Variants in DNAH12 observed in about 807,000 individuals in gnomAD.
DNAH12 encodes axonemal beta dynein heavy chain 12.
A neutral mutation model predicts 371.5 loss-of-function variants in DNAH12; 285 were observed. The ratio of observed to expected loss-of-function variants is 0.77; its 90% CI spans 0.70 to 0.85. The LOEUF (loss-of-function observed/expected upper bound fraction) is 0.85, where lower values mean the gene tolerates loss of function less well. Ranked by LOEUF, DNAH12 falls within the 40% of genes least tolerant of loss-of-function variation. The probability of loss-of-function intolerance (pLI) is 0.00; values close to 1 mark genes in which losing one functional copy is unlikely to be tolerated. For missense variants in DNAH12, 3,611 were observed against 3,689.4 expected (o/e 0.98, Z 0.55); for synonymous variants, 1,200 against 1,213.0 (o/e 0.99, Z 0.22).
Position 57,314,595 on chromosome 3 carries a change from GA to G in DNAH12, c.10560del (p.His3521MetfsTer51), listed in dbSNP as rs2061647612. The G allele has an allele frequency of 6.5e-7, 1 of 1,548,280 alleles. No homozygotes were observed. The highest frequency in any genetic ancestry group is 1.2e-5 in the South Asian group (1 of 83,166). On this transcript the variant is annotated frameshift_variant, in exon 66 of 74. Coordinates refer to ENST00000495027, the MANE Select transcript of DNAH12 (RefSeq NM_001366028.2). LOFTEE classifies it high-confidence loss of function. The part of the protein sequence containing the change: ...WEKLLFGVCF[F>X]HALVQERKKF... ...TTCTTTCTCTCTTGCACAAGGGCAT[GA>G]AAAAAACAAACTCCAAACAGTAACT...
Position 57,403,222 on chromosome 3 carries a change from T to C in DNAH12, c.6948+87A>G, listed in dbSNP as rs116340519. On this transcript the variant is annotated intron_variant, in intron 43 of 73. Coordinates refer to ENST00000495027, the MANE Select transcript of DNAH12 (RefSeq NM_001366028.2). ...CATCATCATCATCACTGGAGTTCAG[T>C]ACACAGCTACACAGGCTGGTTCTCT... The C allele has an allele frequency of 5.7e-4, 741 of 1,301,800 alleles. 2 individuals are homozygous for C. In the African/African-American group the frequency reaches 0.01, roughly 18 times the overall value. The allele number at this position is 1,301,800 out of a possible 1,614,324, so 80.6% of individuals were successfully genotyped here.
chr3:57,361,444 C>CACACTATATATATA (rs1409626573), intron 58 of DNAH12, among the ~76,000 whole-genome samples: 5 of 116,720 alleles, frequency 4.3e-5, no homozygotes, highest in African/African-American at 1.7e-4. Context: ...CACACACACA[C>CACACTATATATATA]TATATATATA....
At chr3:57,389,822 G>GTGTATA (rs1326306277) in intron 45 of DNAH12, among the ~76,000 whole-genome samples, 4 of 45,816 alleles carry the variant, frequency 8.7e-5, no homozygotes, top group Non-Finnish European at 2.1e-4. Flanking sequence ...GTGTGTGTGT[G>GTGTATA]TATATATATA....
At chr3:57,411,596 C>T (rs1220163708) in intron 39 of DNAH12, among the ~76,000 whole-genome samples, 1 of 148,742 alleles carries the variant, frequency 6.7e-6, no homozygotes, top group Non-Finnish European at 1.5e-5. Flanking sequence ...TTAGCACCCA[C>T]CCCCAATGAA....
At chr3:57,547,733 C>T (rs538978758), upstream of DNAH12, among the ~76,000 whole-genome samples, 19 of 152,190 alleles carry the variant, frequency 1.2e-4, no homozygotes, top group Middle Eastern at 3.4e-3. Context: ...TAAAAAGCAA[C>T]GTTTCAAGCA....
intron 51 of DNAH12, among the ~76,000 whole-genome samples, 182 bp from the exon 52 acceptor site, chr3:57,379,480 G>C (rs1181838183): frequency 6.6e-6 from 1 of 152,064 alleles, no homozygotes; most frequent in Non-Finnish European, 1.5e-5. Flanking sequence ...TGTCATATTT[G>C]TGAGCAAAAT....
chr3:57,339,429 A>C (rs1251346341), intron 60 of DNAH12, among the ~76,000 whole-genome samples: 5 of 152,024 alleles, frequency 3.3e-5, no homozygotes, highest in Non-Finnish European at 5.9e-5. Context: ...AAAGAGTAGA[A>C]CAGAGGCTGG....
At chr3:57,541,801 T>G (rs1477811580) in intron 2 of DNAH12, among the ~76,000 whole-genome samples, 2 of 152,120 alleles carry the variant, frequency 1.3e-5, no homozygotes, top group Admixed American at 6.5e-5. Flanking sequence ...AGAAGGTATA[T>G]GATTAATAGA....
In DNAH12 at chr3:57,358,005, T is replaced by C. The variant is rs968189582; in HGVS notation, c.9361-657A>G. ...ATAATAGCTCTTCAACTCAATCGGA[T>C]AGGTTGATATTCTATAGAAAAAAAT... On this transcript the variant is annotated intron_variant, in intron 58 of 73. Coordinates refer to ENST00000495027, the MANE Select transcript of DNAH12 (RefSeq NM_001366028.2). Among the ~76,000 whole-genome samples the C allele has an allele frequency of 7.9e-4, 120 of 152,268 alleles. 1 individual carries two copies. Among genetic ancestry groups the C allele is most frequent in the African/African-American group, 2.5e-3 (102 of 41,566 alleles).
chr3:57,516,842 G>A (rs2068218154), intron 4 of DNAH12, among the ~76,000 whole-genome samples: 1 of 152,014 alleles, frequency 6.6e-6, no homozygotes, highest in Admixed American at 6.6e-5. Context: ...TATCCCCATG[G>A]GTAGAATCCT....
chr3:57,428,638 A>G lies in DNAH12; in HGVS notation c.5248T>C (p.Cys1750Arg). The change falls in exon 34 of 74, where the codon TGC becomes CGC. Residue 1750 changes from cysteine to arginine, a missense_variant. Coordinates refer to ENST00000495027, the MANE Select transcript of DNAH12 (RefSeq NM_001366028.2). ...TCAGAGAATTATAGGATTACCTTGC[A>G]TTTTTTCTTACGCTGGTTTAAAGAG... ...PPSLNQRKKKCKELIPTSNSN... is the reference protein window; with the variant it reads ...PPSLNQRKKKRKELIPTSNSN... 6.5e-7 allele frequency: 1 copy of G among 1,528,984 alleles called. No homozygotes were observed. Among genetic ancestry groups the G allele is most frequent in the Non-Finnish European group, 8.8e-7 (1 of 1,140,402 alleles). The allele number at this position is 1,528,984 out of a possible 1,614,324, so 94.7% of individuals were successfully genotyped here.
At chr3:57,326,532 C>A (rs1009379891) in intron 62 of DNAH12, among the ~76,000 whole-genome samples, 17 of 152,138 alleles carry the variant, frequency 1.1e-4, no homozygotes, top group Admixed American at 2.6e-4. Context: ...CACCACCAGG[C>A]CTGCCCTAAA....
intron 25 of DNAH12, among the ~76,000 whole-genome samples, chr3:57,451,100 A>C (rs116392296): frequency 0.024 from 3,651 of 152,244 alleles, 67 homozygotes; most frequent in Non-Finnish European, 0.034. Flanking sequence ...TTAACTTTTT[A>C]CTGTCCCATC....
chr3:57,526,368 T>A (rs2068645442), intron 2 of DNAH12, among the ~76,000 whole-genome samples: 1 of 152,172 alleles, frequency 6.6e-6, no homozygotes, highest in Non-Finnish European at 1.5e-5. Flanking sequence ...TATGTATATG[T>A]ACCAATTTTC....
intron 25 of DNAH12, among the ~76,000 whole-genome samples, chr3:57,451,418 C>A (rs1407382374): frequency 6.6e-6 from 1 of 152,096 alleles, no homozygotes; most frequent in Non-Finnish European, 1.5e-5. Context: ...ATGGCTTGAG[C>A]CCAGGAGTTC....
chr3:57,330,361 C>T (rs1350411648), intron 62 of DNAH12, among the ~76,000 whole-genome samples: 2 of 151,940 alleles, frequency 1.3e-5, no homozygotes, highest in East Asian at 1.9e-4. Flanking sequence ...GGCACATATA[C>T]ACCATAGAAT....
intron 30 of DNAH12, among the ~76,000 whole-genome samples, chr3:57,436,322 G>C (rs2065123759): frequency 6.6e-6 from 1 of 151,998 alleles, no homozygotes; most frequent in South Asian, 2.1e-4. Flanking sequence ...TGGCTCCTTA[G>C]ATGAGGCCCT....
chr3:57,303,931 G>A (rs898589869), intron 69 of DNAH12, among the ~76,000 whole-genome samples: 6 of 152,062 alleles, frequency 3.9e-5, no homozygotes, highest in African/African-American at 1.4e-4. Context: ...TGCCTTAACT[G>A]ATGCCATTCC....
chr3:57,550,058 C>A, the DNAH12 span, among the ~76,000 whole-genome samples: 1 of 151,932 alleles, frequency 6.6e-6, no homozygotes, highest in East Asian at 1.9e-4. Context: ...CCTGTAATCC[C>A]AACACTCTGG....
Sources: allele counts gnomAD v4.1 joint callset (sites outside exome capture counted in the v4.1 genomes callset), GRCh38; gene constraint gnomAD v4.1.1; transcripts MANE v1.5; gene names NCBI Gene and HGNC (gene_info 2026-07-23, HGNC 2026-07-21).